CSMD1: variants seen among roughly 807,000 people sequenced by gnomAD.
The protein encoded by CSMD1 is CUB and sushi domain-containing protein 1.
In CSMD1, 213 loss-of-function variants were observed where a neutral mutation model predicts 417.5. The observed-to-expected ratio is 0.51, with a 90% CI of 0.46 to 0.57. The LOEUF (loss-of-function observed/expected upper bound fraction) is 0.57, where lower values mean the gene tolerates loss of function less well. Among genes scored for constraint, CSMD1 ranks in the 20% least tolerant of loss-of-function variants. The pLI, the probability that CSMD1 is intolerant of heterozygous loss-of-function variation, is 0.00. For missense variants in CSMD1, 6,923 were observed against 4,529.7 expected (o/e 1.53, Z -15.17); for synonymous variants, 2,862 against 1,736.8 (o/e 1.65, Z -16.11).
intron 2 of CSMD1, among the ~76,000 whole-genome samples, chr8:4,439,171 A>C (rs546277195): frequency 2.2e-4 from 33 of 152,196 alleles, no homozygotes; most frequent in Non-Finnish European, 5.9e-5. Context: ...TATTTCAATT[A>C]AGTAAATGAG....
intron 49 of CSMD1, among the ~76,000 whole-genome samples, chr8:3,072,661 T>C (rs1282861359): frequency 6.6e-6 from 1 of 152,190 alleles, no homozygotes; most frequent in East Asian, 1.9e-4. Flanking sequence ...ATCCCAATTT[T>C]AATTAGCACT....
intron 2 of CSMD1, among the ~76,000 whole-genome samples, chr8:4,475,464 T>C (rs912257487): frequency 1.3e-5 from 2 of 152,160 alleles, no homozygotes; most frequent in Non-Finnish European, 2.9e-5. Context: ...CAACCCCATT[T>C]GATTCTCGAT....
At chr8:3,051,906 C>T (rs896305703) in intron 50 of CSMD1, among the ~76,000 whole-genome samples, 1 of 152,154 alleles carries the variant, frequency 6.6e-6, no homozygotes, top group Non-Finnish European at 1.5e-5. Context: ...CAATTTGTTA[C>T]TCTTTTAAGA....
In CSMD1 at chr8:4,039,922, G is replaced by C. The variant is rs76388829; in HGVS notation, c.416-7823C>G. Among the ~76,000 whole-genome samples, 17 of 152,290 alleles carry C rather than the reference G, an allele frequency of 1.1e-4. No homozygotes were observed. The East Asian group carries it at 2.3e-3, about 21-fold the overall frequency. On this transcript the variant is annotated intron_variant, in intron 3 of 69. Transcript: ENST00000635120. ...TACATCTTAGAAAGGGGAATGAAAA[G>C]TAAAGCTTACTCTTGGGTTTATTAT... is the stretch of plus-strand genomic sequence containing the variant.
intron 1 of CSMD1, among the ~76,000 whole-genome samples, chr8:4,915,211 T>C (rs1250149659): frequency 6.6e-6 from 1 of 151,028 alleles, no homozygotes; most frequent in Non-Finnish European, 1.5e-5. Flanking sequence ...CCTGTGTATT[T>C]ATACATAACA....
chr8:4,608,828 G>T (rs1357272455), intron 2 of CSMD1, among the ~76,000 whole-genome samples: 2 of 152,154 alleles, frequency 1.3e-5, no homozygotes, highest in Non-Finnish European at 2.9e-5. Context: ...AGGCATATGG[G>T]CAGAAGAAGA....
At chr8:3,770,655 T>G (rs1798517007) in intron 5 of CSMD1, among the ~76,000 whole-genome samples, 1 of 152,192 alleles carries the variant, frequency 6.6e-6, no homozygotes, top group African/African-American at 2.4e-5. Context: ...TAGTGCTTTT[T>G]CCCATCATGA....
intron 3 of CSMD1, among the ~76,000 whole-genome samples, chr8:4,351,213 A>G (rs890100456): frequency 6.6e-6 from 1 of 152,188 alleles, no homozygotes; most frequent in African/African-American, 2.4e-5. Context: ...AAATGTACCA[A>G]GTTTCACCTG....
At chr8:3,346,700 C>G (rs1301912113) in intron 22 of CSMD1, among the ~76,000 whole-genome samples, 1 of 152,188 alleles carries the variant, frequency 6.6e-6, no homozygotes, top group Admixed American at 6.5e-5. Context: ...GGGCTCCATT[C>G]CAGCCATTCT....
intron 3 of CSMD1, among the ~76,000 whole-genome samples, chr8:4,075,150 G>C (rs983379436): frequency 6.6e-6 from 1 of 152,078 alleles, no homozygotes; most frequent in African/African-American, 2.4e-5. Flanking sequence ...AACTAAGCAG[G>C]ATTAAATTTT....
chr8:4,106,054 G>T (rs1014757763), intron 3 of CSMD1, among the ~76,000 whole-genome samples: 2 of 152,190 alleles, frequency 1.3e-5, no homozygotes, highest in African/African-American at 2.4e-5. Context: ...CAGATTTTAG[G>T]GGTGCCAGGC....
chr8:4,089,162 C>T (rs1014589694), intron 3 of CSMD1, among the ~76,000 whole-genome samples: 4 of 152,172 alleles, frequency 2.6e-5, no homozygotes, highest in Non-Finnish European at 5.9e-5. Flanking sequence ...GCAAGACATT[C>T]CCCACTCTTT....
At chr8:4,415,770 G>C (rs1205664868) in intron 3 of CSMD1, among the ~76,000 whole-genome samples, 1 of 152,164 alleles carries the variant, frequency 6.6e-6, no homozygotes, top group African/African-American at 2.4e-5. Flanking sequence ...TATAAGTATG[G>C]ATAGCAATGT....
intron 30 of CSMD1, among the ~76,000 whole-genome samples, chr8:3,213,759 GTATA>G (rs1163661714): frequency 6.7e-6 from 1 of 150,102 alleles, no homozygotes; most frequent in African/African-American, 2.5e-5. Context: ...GTGTGTGTAT[GTATA>G]TATATGTGTG....
chr8:3,627,168 C>T (rs1056958677), intron 7 of CSMD1, among the ~76,000 whole-genome samples: 2 of 152,072 alleles, frequency 1.3e-5, no homozygotes, highest in Admixed American at 6.6e-5. Flanking sequence ...ATGTGCAGTG[C>T]AATTTCACCC....
chr8:3,247,639 C>T (rs1799971348), intron 26 of CSMD1, among the ~76,000 whole-genome samples: 1 of 152,144 alleles, frequency 6.6e-6, no homozygotes, highest in African/African-American at 2.4e-5. Context: ...GAGCCTGGGT[C>T]AGCAGGCAAG....
At chr8:4,438,426 C>T (rs546520929) in intron 2 of CSMD1, among the ~76,000 whole-genome samples, 1 of 152,272 alleles carries the variant, frequency 6.6e-6, no homozygotes, top group African/African-American at 2.4e-5. Flanking sequence ...TAAACTCTAC[C>T]CATCCACATG....
rs542365791 is a variant in CSMD1, at chr8:3,611,684, G to T, written c.1097+5026C>A. ...GTTTGACAGTTTTTCAATGCTTTCA[G>T]ATCCTCCTAATGAAATACATGGTAA... On this transcript the variant is annotated intron_variant, in intron 8 of 69. Coordinates refer to ENST00000635120, the MANE Select transcript of CSMD1 (RefSeq NM_033225.6). Among the ~76,000 whole-genome samples the T allele has an allele frequency of 7.2e-5, 11 of 152,122 alleles. No homozygotes were observed. The South Asian group carries it at 2.3e-3, about 32-fold the overall frequency.
At chr8:3,363,769 G>T (rs948083900) in intron 20 of CSMD1, among the ~76,000 whole-genome samples, 1 of 152,180 alleles carries the variant, frequency 6.6e-6, no homozygotes, top group Non-Finnish European at 1.5e-5. Context: ...ACTGAGAAAT[G>T]ATGCTAATTC....
Sources: allele counts gnomAD v4.1 joint callset (sites outside exome capture counted in the v4.1 genomes callset), GRCh38; gene constraint gnomAD v4.1.1; transcripts MANE v1.5; gene names NCBI Gene and HGNC (gene_info 2026-07-23, HGNC 2026-07-21).